EPB41L3: variants seen among roughly 807,000 people sequenced by gnomAD.
The protein encoded by EPB41L3 is band 4.1-like protein 3.
EPB41L3 carries 57 observed loss-of-function variants against 127.1 expected under a neutral mutation model. The ratio of observed to expected loss-of-function variants is 0.45; its 90% CI spans 0.36 to 0.56. The LOEUF is 0.56. EPB41L3 is among the 20% of genes least tolerant of loss of function. EPB41L3 has a pLI of 0.00. For missense variants in EPB41L3, 1,273 were observed against 1,372.2 expected, an observed-to-expected ratio of 0.93 and a Z score of 1.14; for synonymous variants, 572 against 549.5, an observed-to-expected ratio of 1.04 and a Z score of -0.57.
In EPB41L3 at chr18:5,406,982, A is replaced by G; in HGVS notation, c.2158-14T>C. 1 of 1,609,728 alleles carries G rather than the reference A, an allele frequency of 6.2e-7. No homozygotes were observed. The highest frequency in any genetic ancestry group is 1.3e-5 in the African/African-American group (1 of 74,992). Reference sequence around the variant, plus strand: ...TTTTTCTAGCTCCTATATTCAGAACATAAAGTATCCAACAGTCAATGTTTT... The same window carrying G: ...TTTTTCTAGCTCCTATATTCAGAACGTAAAGTATCCAACAGTCAATGTTTT... On this transcript the variant is annotated splice_polypyrimidine_tract_variant and intron_variant, in intron 15 of 22. Coordinates refer to ENST00000341928, the MANE Select transcript of EPB41L3 (RefSeq NM_012307.5).
intron 16 of EPB41L3, among the ~76,000 whole-genome samples, chr18:5,401,514 G>A (rs1346567610): frequency 6.6e-6 from 1 of 152,058 alleles, no homozygotes; most frequent in East Asian, 1.9e-4. Flanking sequence ...ACAGAGTAGT[G>A]AAATGCATAC....
chr18:5,584,996 G>T (rs548499736), intron 3 of EPB41L3, among the ~76,000 whole-genome samples: 7 of 152,118 alleles, frequency 4.6e-5, no homozygotes, highest in Non-Finnish European at 8.8e-5. Flanking sequence ...AGGAGGTACA[G>T]TTTCCCAAAA....
intron 1 of EPB41L3, among the ~76,000 whole-genome samples, chr18:5,619,922 T>G (rs1354848106): frequency 6.6e-6 from 1 of 152,180 alleles, no homozygotes; most frequent in South Asian, 2.1e-4. Context: ...AGCAATAGAT[T>G]GTTATTAGAT....
At chr18:5,560,082 A>G (rs1029438988) in intron 3 of EPB41L3, among the ~76,000 whole-genome samples, 1 of 152,210 alleles carries the variant, frequency 6.6e-6, no homozygotes, top group Non-Finnish European at 1.5e-5. Context: ...ACCATTCCCA[A>G]TATGATTTTG....
At chr18:5,444,313 C>T (rs1439694749) in intron 4 of EPB41L3, among the ~76,000 whole-genome samples, 5 of 152,160 alleles carry the variant, frequency 3.3e-5, no homozygotes, top group Non-Finnish European at 5.9e-5. Flanking sequence ...AGGAAGCTTC[C>T]CTAACAAATC....
intron 14 of EPB41L3, among the ~76,000 whole-genome samples, chr18:5,408,130 G>A (rs755913909): frequency 1.2e-4 from 18 of 152,262 alleles, no homozygotes; most frequent in South Asian, 2.1e-4. Context: ...CACATGTAGT[G>A]TATGAATCCC....
chr18:5,629,501 C>G (rs2094964793), upstream of EPB41L3, among the ~76,000 whole-genome samples: 1 of 152,148 alleles, frequency 6.6e-6, no homozygotes, highest in Non-Finnish European at 1.5e-5. Context: ...GTCAGAGCCA[C>G]TGTCCACTTG....
intron 1 of EPB41L3, among the ~76,000 whole-genome samples, chr18:5,528,133 G>T (rs947196165): frequency 2.0e-5 from 3 of 152,128 alleles, no homozygotes; most frequent in African/African-American, 7.2e-5. Flanking sequence ...AGGTGCACAT[G>T]CAGAGAATGC....
chr18:5,487,114 G>C (rs2089881621), intron 2 of EPB41L3, among the ~76,000 whole-genome samples: 1 of 152,084 alleles, frequency 6.6e-6, no homozygotes, highest in Non-Finnish European at 1.5e-5. Flanking sequence ...TTAGAAAGTG[G>C]TATATACACC....
intron 9 of EPB41L3, among the ~76,000 whole-genome samples, chr18:5,425,210 C>T (rs1430795010): frequency 5.3e-5 from 8 of 152,088 alleles, no homozygotes; most frequent in African/African-American, 1.9e-4. Flanking sequence ...GGCAAAGAAC[C>T]GAGGTGAGGG....
chr18:5,472,689 A>C (rs1278466826), intron 3 of EPB41L3, among the ~76,000 whole-genome samples: 1 of 152,088 alleles, frequency 6.6e-6, no homozygotes, highest in African/African-American at 2.4e-5. Flanking sequence ...CTGGTCAAGC[A>C]CTTCTAAAGG....
intron 1 of EPB41L3, among the ~76,000 whole-genome samples, chr18:5,533,845 G>A (rs1299581867): frequency 7.2e-6 from 1 of 138,836 alleles, no homozygotes; most frequent in East Asian, 2.0e-4. Context: ...AATTTCCTAG[G>A]GCCACAGAAG....
chr18:5,426,296 C>G (rs1278188871), intron 9 of EPB41L3, among the ~76,000 whole-genome samples: 1 of 152,096 alleles, frequency 6.6e-6, no homozygotes, highest in Non-Finnish European at 1.5e-5. Context: ...CTGAAATTTT[C>G]CCCCTTTTCC....
chr18:5,453,692 A>T (rs1049967678), intron 3 of EPB41L3, among the ~76,000 whole-genome samples: 1 of 152,122 alleles, frequency 6.6e-6, no homozygotes, highest in African/African-American at 2.4e-5. Context: ...TTTGGAAGTT[A>T]TATTTCTTCA....
chr18:5,475,894 A>C (rs2087089794), intron 3 of EPB41L3, among the ~76,000 whole-genome samples: 1 of 151,974 alleles, frequency 6.6e-6, no homozygotes, highest in African/African-American at 2.4e-5. Flanking sequence ...CAAGTCTTTG[A>C]TACAGATTCA....
chr18:5,495,057 T>C (rs1418445443), intron 1 of EPB41L3, among the ~76,000 whole-genome samples: 1 of 152,202 alleles, frequency 6.6e-6, no homozygotes. Flanking sequence ...CTCCTCAAAG[T>C]ACCAAATGGT....
chr18:5,541,709 A>C lies in EPB41L3; in HGVS notation c.-12+2204T>G, dbSNP rs369202578. On this transcript the variant is annotated intron_variant, in intron 1 of 22. Transcript: ENST00000341928. The stretch of plus-strand genomic sequence containing the variant: ...CCAAGCAGTGTACATGAACTGATAA[A>C]AAATTGCTTTTAACCTAAATCGCAT... Among the ~76,000 whole-genome samples, 3 of 152,256 alleles carry C rather than the reference A, an allele frequency of 2.0e-5. No individual in the cohort carries two copies. In the South Asian group the frequency reaches 6.2e-4, roughly 31 times the overall value.
intron 1 of EPB41L3, among the ~76,000 whole-genome samples, chr18:5,540,945 C>T (rs552455753): frequency 1.3e-5 from 2 of 151,964 alleles, no homozygotes; most frequent in Non-Finnish European, 2.9e-5. Context: ...ATTAGCCGGG[C>T]GTGGTGGCGG....
At chr18:5,531,932 C>T (rs1174014773) in intron 1 of EPB41L3, among the ~76,000 whole-genome samples, 4 of 152,138 alleles carry the variant, frequency 2.6e-5, no homozygotes, top group Non-Finnish European at 5.9e-5. Context: ...TAAGTCAAAA[C>T]ACTATTACAA....
Sources: allele counts gnomAD v4.1 joint callset (sites outside exome capture counted in the v4.1 genomes callset), GRCh38; gene constraint gnomAD v4.1.1; transcripts MANE v1.5; gene names NCBI Gene and HGNC (gene_info 2026-07-23, HGNC 2026-07-21).